The following GNAO1 variants were observed in gnomAD, a reference collection of about 807,000 sequenced individuals.
GNAO1 encodes the protein G protein subunit alpha o1.
For synonymous variants in GNAO1, 164 were observed against 180.7 expected, an observed-to-expected ratio of 0.91 and a Z score of 0.74; for missense variants, 166 against 478.7, an observed-to-expected ratio of 0.35 and a Z score of 6.10.
chr16:56,342,066 G>C (rs2037810782), intron 6 of GNAO1, among the ~76,000 whole-genome samples: 1 of 152,210 alleles, frequency 6.6e-6, no homozygotes, highest in African/African-American at 2.4e-5. Flanking sequence ...AGCTGGAGTT[G>C]AGTAGGGCTC....
At chr16:56,320,781 A>G (rs1256565446) in intron 3 of GNAO1, among the ~76,000 whole-genome samples, 4 of 152,194 alleles carry the variant, frequency 2.6e-5, no homozygotes, top group Non-Finnish European at 5.9e-5. Context: ...CACACACAGC[A>G]GAGAGCCCCC....
chr16:56,345,933 T>C (rs1399108304), intron 6 of GNAO1: 2 of 985,360 alleles, frequency 2.0e-6, no homozygotes, highest in Admixed American at 6.2e-5. Context: ...TGGAGGGCTC[T>C]CCATGTCCCC....
At chr16:56,241,853 C>G (rs1437211181) in intron 2 of GNAO1, among the ~76,000 whole-genome samples, 1 of 152,174 alleles carries the variant, frequency 6.6e-6, no homozygotes, top group African/African-American at 2.4e-5. Context: ...CAGTTACGAG[C>G]CTGTGGGAGC....
chr16:56,194,335 G>C (rs2036211227), intron 2 of GNAO1: 1 of 448,660 alleles, frequency 2.2e-6, no homozygotes, highest in South Asian at 1.6e-5. Context: ...TGGAGCCCTT[G>C]CAGATCTGTA....
At chr16:56,243,532 G>T (rs1251769361) in intron 2 of GNAO1, among the ~76,000 whole-genome samples, 1 of 152,126 alleles carries the variant, frequency 6.6e-6, no homozygotes, top group East Asian at 1.9e-4. Context: ...CGCCTCCAAA[G>T]ACAATATACA....
At chr16:56,200,938 G>A (rs1463240925) in intron 2 of GNAO1, among the ~76,000 whole-genome samples, 2 of 152,222 alleles carry the variant, frequency 1.3e-5, no homozygotes, top group Non-Finnish European at 2.9e-5. Context: ...CTTTGGTGGA[G>A]GCAGGTGTCT....
At chr16:56,219,668 C>T (rs573687220) in intron 2 of GNAO1, among the ~76,000 whole-genome samples, 21 of 152,272 alleles carry the variant, frequency 1.4e-4, no homozygotes, top group African/African-American at 4.8e-4. Context: ...AAGACTTGAA[C>T]CCACATCTTT....
At chr16:56,242,262 GA>G (rs2036700746) in intron 2 of GNAO1, among the ~76,000 whole-genome samples, 1 of 152,220 alleles carries the variant, frequency 6.6e-6, no homozygotes, top group East Asian at 1.9e-4. Flanking sequence ...ATCATTTATA[GA>G]TTGAACATAA....
chr16:56,349,814 A>G (rs1218807936), intron 6 of GNAO1, among the ~76,000 whole-genome samples: 2 of 152,158 alleles, frequency 1.3e-5, no homozygotes, highest in African/African-American at 4.8e-5. Flanking sequence ...GGCCGCCTCT[A>G]CAGGTCATGG....
At chr16:56,316,969 G>A (rs570408141) in intron 3 of GNAO1, among the ~76,000 whole-genome samples, 2 of 152,312 alleles carry the variant, frequency 1.3e-5, no homozygotes, top group South Asian at 4.1e-4. Flanking sequence ...GGGCCTCAGA[G>A]GACTTGGGCC....
At chr16:56,309,549 G>A (rs2037433634) in intron 3 of GNAO1, among the ~76,000 whole-genome samples, 1 of 152,214 alleles carries the variant, frequency 6.6e-6, no homozygotes, top group Admixed American at 6.5e-5. Flanking sequence ...AGGTCTGCGG[G>A]CTTGGAAGCC....
chr16:56,247,674 C>T (rs1015022932), intron 2 of GNAO1, among the ~76,000 whole-genome samples: 2 of 152,076 alleles, frequency 1.3e-5, no homozygotes, highest in Admixed American at 1.3e-4. Context: ...ATCTCCTTCC[C>T]TGAAATCCTA....
chr16:56,285,556 G>A lies in GNAO1; in HGVS notation c.303+9484G>A, dbSNP rs1272941863. Among the ~76,000 whole-genome samples the A allele has an allele frequency of 3.9e-5, 6 of 152,322 alleles. 1 individual carries two copies. Among genetic ancestry groups the A allele is most frequent in the Middle Eastern group, 3.4e-3 (1 of 294 alleles). ...CAGACTTCAGCCTTAGAAGCCATAG[G>A]CCACAGCAGAGAGGGGCCTGCCTGG... On this transcript the variant is annotated intron_variant, in intron 3 of 8. Coordinates refer to ENST00000262493, the MANE Select transcript of GNAO1 (RefSeq NM_020988.3).
At chr16:56,337,666 G>A (rs2037756004) in intron 6 of GNAO1, among the ~76,000 whole-genome samples, 1 of 152,236 alleles carries the variant, frequency 6.6e-6, no homozygotes, top group African/African-American at 2.4e-5. Flanking sequence ...TGCCTGTGGG[G>A]GGCTGTTGGC....
At chr16:56,203,800 G>A (rs2036301692) in intron 2 of GNAO1, among the ~76,000 whole-genome samples, 2 of 152,220 alleles carry the variant, frequency 1.3e-5, no homozygotes, top group African/African-American at 2.4e-5. Flanking sequence ...ACAGAAGTAG[G>A]CCTGGAACAT....
intron 2 of GNAO1, among the ~76,000 whole-genome samples, chr16:56,231,618 G>A (rs761999326): frequency 3.3e-5 from 5 of 152,174 alleles, no homozygotes; most frequent in Non-Finnish European, 5.9e-5. Flanking sequence ...TGGGAGGGAC[G>A]TGGTCAAGGA....
At chr16:56,209,797 C>G (rs1235166805) in intron 2 of GNAO1, among the ~76,000 whole-genome samples, 1 of 151,962 alleles carries the variant, frequency 6.6e-6, no homozygotes, top group African/African-American at 2.4e-5. Context: ...AGAAAATTCC[C>G]ATACGTCCCT....
chr16:56,347,522 C>T, intron 6 of GNAO1: 9 of 985,652 alleles, frequency 9.1e-6, no homozygotes, highest in Non-Finnish European at 8.4e-6. Flanking sequence ...ACAGACCCCA[C>T]TGCAGCCAGA....
At chr16:56,255,920 G>C (rs1007637006) in intron 2 of GNAO1, among the ~76,000 whole-genome samples, 7 of 152,182 alleles carry the variant, frequency 4.6e-5, no homozygotes, top group Non-Finnish European at 1.0e-4. Flanking sequence ...CAATAGTTGG[G>C]AAGACATTGT....
Sources: allele counts gnomAD v4.1 joint callset (sites outside exome capture counted in the v4.1 genomes callset), GRCh38; gene constraint gnomAD v4.1.1; transcripts MANE v1.5; gene names NCBI Gene and HGNC (gene_info 2026-07-23, HGNC 2026-07-21).